OSBPL3: variants seen among roughly 807,000 people sequenced by gnomAD.
OSBPL3 encodes oxysterol binding protein like 3.
Under a neutral mutation model 120.1 loss-of-function variants are expected in OSBPL3, and 65 were observed. The ratio of observed to expected loss-of-function variants is 0.54; its 90% confidence interval spans 0.44 to 0.67. The LOEUF (loss-of-function observed/expected upper bound fraction) is 0.67. Ranked by LOEUF, OSBPL3 falls within the 30% of genes least tolerant of loss-of-function variation. The pLI is 0.00. For synonymous variants in OSBPL3, 416 were observed against 402.6 expected (o/e 1.03, Z -0.40); for missense variants, 1,004 against 1,082.1 (o/e 0.93, Z 1.01).
Position 24,883,914 on chromosome 7 carries a change from G to A in OSBPL3, c.96+8463C>T, listed in dbSNP as rs1385278416. Among the ~76,000 whole-genome samples the A allele has an allele frequency of 1.3e-5, 2 of 152,160 alleles. No individual in the cohort carries two copies. Among genetic ancestry groups the A allele is most frequent in the African/African-American group, 4.8e-5 (2 of 41,424 alleles). On this transcript the variant is annotated intron_variant, in intron 2 of 22. Coordinates refer to ENST00000313367, the MANE Select transcript of OSBPL3 (RefSeq NM_015550.4). This position sits in a 1 kb window ranked among gnomAD's most constrained non-coding sequence, Gnocchi z 5.4. ...TTGAGAGCTCAGTCTTATTTCTTCA[G>A]CCTTCCTGCCTCTGAGGTATGTTAT...
At chr7:24,961,711 T>A (rs1339636661) in intron 1 of OSBPL3, among the ~76,000 whole-genome samples, 1 of 152,146 alleles carries the variant, frequency 6.6e-6, no homozygotes, top group Non-Finnish European at 1.5e-5. Context: ...ACTTCCCCAT[T>A]TCTGGCATTT....
In OSBPL3 at chr7:24,872,446, A is replaced by AGTGTGT. The variant is rs555797689; in HGVS notation, c.97-378_97-377insACACAC. On this transcript the variant is annotated intron_variant, in intron 2 of 22. Coordinates refer to ENST00000313367, the MANE Select transcript of OSBPL3 (RefSeq NM_015550.4). The surrounding 1 kb of genome is among the most constrained non-coding windows in gnomAD (Gnocchi z 4.1). The stretch of plus-strand genomic sequence containing the variant: ...CTTCAGTCTGAATTTTAACCGAAAG[A>AGTGTGT]GAGTGTGTGTGTGTGTGTGTGTGTG... Among the ~76,000 whole-genome samples, 1,178 of 83,360 alleles carry AGTGTGT rather than the reference A, an allele frequency of 0.014. 4 individuals carry two copies. The highest frequency in any genetic ancestry group is 0.034 in the South Asian group (72 of 2,130). 54.7% of individuals were successfully genotyped at this position (83,360 alleles called of 152,430 possible).
rs762820452 is a variant in OSBPL3 at position 24,862,689 on chromosome 7, T to C, written c.870+511A>G. ...CTTAGCTGTGCATTGGGAAAGCTCCTAGCATGACACAGTGAATCCTGGATG... is the reference window on the plus strand; with the variant it reads ...CTTAGCTGTGCATTGGGAAAGCTCCCAGCATGACACAGTGAATCCTGGATG... On this transcript the variant is annotated intron_variant, in intron 9 of 22. Transcript: ENST00000313367. This position sits in a 1 kb window ranked among gnomAD's most constrained non-coding sequence, Gnocchi z 4.4. 2.4e-4 allele frequency among the ~76,000 whole-genome samples: 36 copies of C among 152,172 alleles called. No homozygotes were observed. Among genetic ancestry groups the C allele is most frequent in the Non-Finnish European group, 4.7e-4 (32 of 68,022 alleles).
In OSBPL3 at chr7:24,821,835, C is replaced by T. The variant is rs1015409234; in HGVS notation, c.1885-1597G>A. Among the ~76,000 whole-genome samples, 7 of 152,212 alleles carry T rather than the reference C, an allele frequency of 4.6e-5. No individual in the cohort carries two copies. The highest frequency in any genetic ancestry group is 8.8e-5 in the Non-Finnish European group (6 of 68,042). On this transcript the variant is annotated intron_variant, in intron 16 of 22. Transcript: ENST00000313367. This position sits in a 1 kb window ranked among gnomAD's most constrained non-coding sequence, Gnocchi z 5.5. ...TTCACTTCAAGCACTGACTTAGAAA[C>T]CTAATCCCATAATGTAACTCTCTGA... is the stretch of plus-strand genomic sequence containing the variant.
chr7:24,856,638 T>A (rs17150320), intron 10 of OSBPL3, among the ~76,000 whole-genome samples: 8,478 of 152,224 alleles, frequency 0.056, 362 homozygotes, highest in East Asian at 0.13. Flanking sequence ...TATTCAGGAT[T>A]TGTCCAAAAT....
At chr7:24,942,499 G>C (rs1242481456) in intron 1 of OSBPL3, among the ~76,000 whole-genome samples, 2 of 152,130 alleles carry the variant, frequency 1.3e-5, no homozygotes, top group African/African-American at 4.8e-5. Flanking sequence ...ATCACCAGCA[G>C]AATAGGGAAT....
intron 1 of OSBPL3, among the ~76,000 whole-genome samples, chr7:24,927,160 G>A (rs73276222): frequency 0.011 from 1,750 of 152,258 alleles, 37 homozygotes; most frequent in African/African-American, 0.04. Flanking sequence ...AAGAGGATTC[G>A]TATGTCTTCA....
chr7:24,906,169 CAGGTAGG>C, intron 1 of OSBPL3: 1 of 202,452 alleles, frequency 4.9e-6, no homozygotes, highest in South Asian at 7.2e-5. Context: ...CATCACGGAG[CAGGTAGG>C]AGGTTCCATC....
At position 24,813,918 on chromosome 7, in the gene OSBPL3, C is replaced by T. The variant is rs1267710920; in HGVS notation, c.2172+1141G>A. Among the ~76,000 whole-genome samples the T allele has an allele frequency of 1.3e-5, 2 of 152,170 alleles. No homozygotes were observed. The highest frequency in any genetic ancestry group is 2.9e-5 in the Non-Finnish European group (2 of 68,036). ...CCTCTGGCCAATTTTTCCATTTATT[C>T]TCTGAATGTTTATGAGTCTCTCATG... is the stretch of plus-strand genomic sequence containing the variant. On this transcript the variant is annotated intron_variant, in intron 19 of 22. Transcript: ENST00000313367. This position sits in a 1 kb window ranked among gnomAD's most constrained non-coding sequence, Gnocchi z 4.5.
Position 24,916,919 on chromosome 7 carries a change from C to CCCCA in OSBPL3, c.-149-24299_-149-24298insTGGG, listed in dbSNP as rs1554404708. Among the ~76,000 whole-genome samples the CCCCA allele has an allele frequency of 5.7e-5, 2 of 34,918 alleles. No homozygotes were observed. Among genetic ancestry groups the CCCCA allele is most frequent in the African/African-American group, 6.8e-4 (2 of 2,922 alleles). 22.9% of individuals were successfully genotyped at this position (34,918 alleles called of 152,430 possible). A position where few individuals can be genotyped will look rare whatever the true frequency, so the allele number is the denominator to read the frequency against. ...GCCACTAAGACGTCTTCCATTTCCA[C>CCCCA]CCCCCCCAACCTTTTTAGAAAATTA... is the stretch of plus-strand genomic sequence containing the variant. On this transcript the variant is annotated intron_variant, in intron 1 of 22. Coordinates refer to ENST00000313367, the MANE Select transcript of OSBPL3 (RefSeq NM_015550.4). This position sits in a 1 kb window ranked among gnomAD's most constrained non-coding sequence, Gnocchi z 4.9.
intron 7 of OSBPL3, among the ~76,000 whole-genome samples, chr7:24,865,090 C>T (rs990404790): frequency 6.6e-6 from 1 of 152,156 alleles, no homozygotes; most frequent in Admixed American, 6.5e-5. Flanking sequence ...ATGTGGAAAT[C>T]AGGCATCAGT....
intron 12 of OSBPL3, among the ~76,000 whole-genome samples, chr7:24,844,250 T>C (rs1798125792): frequency 1.3e-5 from 2 of 152,234 alleles, no homozygotes. Context: ...ATTGTTTGCA[T>C]TACAAAAAGT....
chr7:24,962,036 C>T (rs1563015014), intron 1 of OSBPL3, among the ~76,000 whole-genome samples: 3 of 152,160 alleles, frequency 2.0e-5, no homozygotes, highest in Non-Finnish European at 2.9e-5. Context: ...CATTCAGTGG[C>T]TCACACCTGT....
chr7:24,810,002 A>G (rs1183529655), intron 19 of OSBPL3, 51 bp from the exon 20 acceptor site: 5 of 1,595,984 alleles, frequency 3.1e-6, no homozygotes, highest in Non-Finnish European at 4.3e-6. Context: ...AGCTTATTAC[A>G]GATATTAAGG....
intron 10 of OSBPL3, among the ~76,000 whole-genome samples, chr7:24,860,566 C>T (rs922067192): frequency 1.3e-5 from 2 of 152,194 alleles, no homozygotes; most frequent in Admixed American, 1.3e-4. Flanking sequence ...ATTGTGAGGC[C>T]TCCCCAGCCA....
chr7:24,875,468 C>T (rs1008840720), intron 2 of OSBPL3, among the ~76,000 whole-genome samples: 8 of 152,152 alleles, frequency 5.3e-5, no homozygotes, highest in Non-Finnish European at 1.0e-4. Flanking sequence ...TTAACATTAA[C>T]CACATTCTTT....
At chr7:24,970,796 G>A (rs768812366) in intron 1 of OSBPL3, among the ~76,000 whole-genome samples, 1 of 152,068 alleles carries the variant, frequency 6.6e-6, no homozygotes, top group Non-Finnish European at 1.5e-5. Flanking sequence ...TCACCTGAAG[G>A]GTTAAAACCA....
chr7:24,904,349 G>A (rs761335292), intron 1 of OSBPL3, among the ~76,000 whole-genome samples: 4 of 152,184 alleles, frequency 2.6e-5, no homozygotes, highest in East Asian at 1.9e-4. Flanking sequence ...CAGTCAGCCC[G>A]CAGTATCTGC....
rs1813861043 is a variant in OSBPL3 at position 24,947,468 on chromosome 7, A to C, written c.-150+32418T>G. 6.6e-6 allele frequency among the ~76,000 whole-genome samples: 1 copy of C among 152,128 alleles called. No homozygotes were observed. Among genetic ancestry groups the C allele is most frequent in the Admixed American group, 6.5e-5 (1 of 15,276 alleles). ...CTCCTGACTGCTGCTTTTGCTCCCC[A>C]CGTGACTACCCCTGAAAGCTGCATA... is the stretch of plus-strand genomic sequence containing the variant. On this transcript the variant is annotated intron_variant, in intron 1 of 22. Transcript: ENST00000313367. This position sits in a 1 kb window ranked among gnomAD's most constrained non-coding sequence, Gnocchi z 4.4.
Sources: gnomAD v4.1 joint callset for allele counts (sites outside exome capture counted in the v4.1 genomes callset) on GRCh38, gnomAD v4.1.1 for gene constraint, Gnocchi (gnomAD v3.1) non-coding constraint, MANE v1.5 for transcripts, NCBI Gene and HGNC (gene_info 2026-07-23, HGNC 2026-07-21) for gene names.